The following DCC variants were observed in gnomAD, a reference collection of about 807,000 sequenced individuals.
The protein encoded by DCC is DCC netrin 1 receptor, also known as netrin receptor DCC.
A neutral mutation model predicts 172.5 loss-of-function variants in DCC; 58 were observed. The observed-to-expected ratio is 0.34, with a 90% CI of 0.27 to 0.42. The LOEUF is 0.42. Among genes scored for constraint, DCC ranks in the 10% least tolerant of loss-of-function variants. The pLI, the probability that DCC is intolerant of heterozygous loss-of-function variation, is 1.00. For synonymous variants in DCC, 709 were observed against 644.5 expected (o/e 1.10, Z -1.52); for missense variants, 1,740 against 1,791.0 (o/e 0.97, Z 0.51).
At chr18:52,363,949 C>T (rs1033491936) in intron 1 of DCC, among the ~76,000 whole-genome samples, 1 of 152,166 alleles carries the variant, frequency 6.6e-6, no homozygotes, top group South Asian at 2.1e-4. Context: ...GCCCTTCAGT[C>T]TGCCATCTAC....
intron 1 of DCC, among the ~76,000 whole-genome samples, chr18:52,646,968 T>A (rs984687099): frequency 1.3e-5 from 2 of 152,152 alleles, no homozygotes; most frequent in African/African-American, 4.8e-5. Flanking sequence ...TAGCATGAAA[T>A]CAGGTGTGAT....
At chr18:53,086,054 C>T (rs1423843161) in intron 7 of DCC, among the ~76,000 whole-genome samples, 2 of 422 alleles carry the variant, frequency 4.7e-3, no homozygotes, top group African/African-American at 0.045. Flanking sequence ...CTCTCCTTCT[C>T]CTTCTCCTTC....
At chr18:53,375,105 C>A (rs2058096598) in intron 15 of DCC, among the ~76,000 whole-genome samples, 1 of 152,134 alleles carries the variant, frequency 6.6e-6, no homozygotes, top group Non-Finnish European at 1.5e-5. Flanking sequence ...CTGTGCCTAC[C>A]TTTTAGGGTT....
At chr18:53,279,133 G>T (rs962151875) in intron 12 of DCC, among the ~76,000 whole-genome samples, 1 of 152,080 alleles carries the variant, frequency 6.6e-6, no homozygotes, top group African/African-American at 2.4e-5. Context: ...ATCTCATTGT[G>T]GTTTTGATTT....
chr18:53,156,876 C>T (rs547613918), intron 7 of DCC, among the ~76,000 whole-genome samples: 1 of 152,260 alleles, frequency 6.6e-6, no homozygotes, highest in African/African-American at 2.4e-5. Context: ...ATTCCAGAAA[C>T]AATTCAGGGA....
intron 2 of DCC, among the ~76,000 whole-genome samples, chr18:52,856,240 TATAG>T (rs1379678553): frequency 2.0e-5 from 3 of 152,206 alleles, no homozygotes; most frequent in Non-Finnish European, 4.4e-5. Context: ...TATATGTGAA[TATAG>T]ATAGATAATT....
chr18:53,422,475 G>A (rs1324332673), intron 21 of DCC, among the ~76,000 whole-genome samples: 1 of 152,106 alleles, frequency 6.6e-6, no homozygotes, highest in African/African-American at 2.4e-5. Context: ...TTGACGTTGT[G>A]TAATTTCTGG....
chr18:52,542,878 A>G (rs1363748794), intron 1 of DCC, among the ~76,000 whole-genome samples: 1 of 152,178 alleles, frequency 6.6e-6, no homozygotes, highest in Admixed American at 6.5e-5. Context: ...CAGATTTATC[A>G]TAGAAGGATG....
At chr18:53,344,029 T>C (rs978094130) in intron 15 of DCC, among the ~76,000 whole-genome samples, 1 of 152,034 alleles carries the variant, frequency 6.6e-6, no homozygotes. Context: ...TTTTGTGATA[T>C]CTAGACAGAG....
intron 1 of DCC, among the ~76,000 whole-genome samples, chr18:52,724,645 T>C (rs2036524345): frequency 2.0e-5 from 3 of 152,200 alleles, no homozygotes; most frequent in Admixed American, 2.0e-4. Context: ...ATCCTGGTTA[T>C]TTTTTGTCCT....
intron 9 of DCC, among the ~76,000 whole-genome samples, chr18:53,199,592 A>G (rs569396722): frequency 7.2e-5 from 7 of 97,318 alleles, no homozygotes; most frequent in South Asian, 3.8e-4. Flanking sequence ...TATATTCTTC[A>G]TATATATGTA....
At chr18:52,950,168 T>C (rs930076558) in intron 5 of DCC, among the ~76,000 whole-genome samples, 2 of 152,192 alleles carry the variant, frequency 1.3e-5, no homozygotes, top group African/African-American at 4.8e-5. Flanking sequence ...CAAATTTTTG[T>C]ATCTGTCTCC....
At chr18:53,030,833 A>T (rs1018635669) in intron 5 of DCC, among the ~76,000 whole-genome samples, 2 of 152,222 alleles carry the variant, frequency 1.3e-5, no homozygotes, top group East Asian at 1.9e-4. Flanking sequence ...AGAAACAGTG[A>T]AATGAAATAC....
chr18:53,358,900 T>C (rs574755788), intron 15 of DCC, among the ~76,000 whole-genome samples: 1 of 152,168 alleles, frequency 6.6e-6, no homozygotes, highest in Non-Finnish European at 1.5e-5. Flanking sequence ...AAAGAATAAG[T>C]GTGGTCACAT....
At chr18:52,891,064 G>A (rs2039642793) in intron 2 of DCC, among the ~76,000 whole-genome samples, 1 of 152,004 alleles carries the variant, frequency 6.6e-6, no homozygotes, top group Non-Finnish European at 1.5e-5. Flanking sequence ...CTCAATAAAT[G>A]ACAAGATAGC....
At chr18:52,784,180 ATC>A (rs1287639315) in intron 2 of DCC, among the ~76,000 whole-genome samples, 1 of 151,972 alleles carries the variant, frequency 6.6e-6, no homozygotes, top group Non-Finnish European at 1.5e-5. Flanking sequence ...ATCATGCAAT[ATC>A]TGTTTCTGTG....
At chr18:52,629,940 AC>A (rs2144877468) in intron 1 of DCC, among the ~76,000 whole-genome samples, 1 of 117,540 alleles carries the variant, frequency 8.5e-6, no homozygotes, top group African/African-American at 3.3e-5. Flanking sequence ...ACAGAGCAAG[AC>A]TCCGTCTCAA....
intron 1 of DCC, among the ~76,000 whole-genome samples, chr18:52,400,517 A>G (rs1489687017): frequency 6.6e-6 from 1 of 152,242 alleles, no homozygotes; most frequent in Non-Finnish European, 1.5e-5. Context: ...TAGTTCAATC[A>G]TTTTAGAAGA....
chr18:53,349,165 G>T (rs539328942), intron 15 of DCC, among the ~76,000 whole-genome samples: 2 of 152,066 alleles, frequency 1.3e-5, no homozygotes, highest in African/African-American at 4.8e-5. Context: ...AATTTATTCC[G>T]CTAGATACCC....
Sources: gnomAD v4.1 joint callset for allele counts (sites outside exome capture counted in the v4.1 genomes callset) on GRCh38, gnomAD v4.1.1 for gene constraint, MANE v1.5 for transcripts, NCBI Gene and HGNC (gene_info 2026-07-23, HGNC 2026-07-21) for gene names.